The following COL28A1 variants were observed in gnomAD, a reference collection of about 807,000 sequenced individuals.
COL28A1 encodes the protein collagen alpha-1(XXVIII) chain.
In COL28A1, 161 loss-of-function variants were observed where a neutral mutation model predicts 150.2. The ratio of observed to expected loss-of-function variants is 1.07; its 90% CI spans 0.94 to 1.22. The LOEUF (loss-of-function observed/expected upper bound fraction) is 1.22, where lower values mean the gene tolerates loss of function less well. COL28A1 is among the 50% of genes most tolerant of loss of function. The pLI, the probability that COL28A1 is intolerant of heterozygous loss-of-function variation, is 0.00. For synonymous variants in COL28A1, 552 were observed against 469.7 expected, an observed-to-expected ratio of 1.18 and a Z score of -2.26; for missense variants, 1,617 against 1,388.3, an observed-to-expected ratio of 1.16 and a Z score of -2.62.
chr7:7,543,248 T>C, the COL28A1 span, among the ~76,000 whole-genome samples: 1 of 152,216 alleles, frequency 6.6e-6, no homozygotes, highest in Admixed American at 6.5e-5. Context: ...GGTTGGCATT[T>C]TCCTCTTCTT....
At chr7:7,340,660 C>T in the COL28A1 span, among the ~76,000 whole-genome samples, 1 of 151,808 alleles carries the variant, frequency 6.6e-6, no homozygotes, top group Non-Finnish European at 1.5e-5. Context: ...TTTTTTTTCC[C>T]CCTAAGCAAG....
intron 8 of COL28A1, chr7:7,511,533 C>T (rs1314672353): frequency 6.7e-6 from 2 of 296,350 alleles, no homozygotes. Context: ...TTAAACTCAA[C>T]AAGATAATTT....
intron 27 of COL28A1, among the ~76,000 whole-genome samples, chr7:7,384,688 C>T (rs2128290879): frequency 6.6e-6 from 1 of 152,268 alleles, no homozygotes; most frequent in Admixed American, 6.5e-5. Context: ...CGGAACATAT[C>T]TCCTGCAGAT....
intron 21 of COL28A1, among the ~76,000 whole-genome samples, chr7:7,437,760 T>C (rs567499843): frequency 9.1e-4 from 138 of 152,352 alleles, no homozygotes; most frequent in Middle Eastern, 3.4e-3. Flanking sequence ...TGGTGCTTCC[T>C]TTTTGTGTTG....
At chr7:7,539,862 CTTCA>C (rs1440621879), upstream of COL28A1, among the ~76,000 whole-genome samples, 7 of 152,124 alleles carry the variant, frequency 4.6e-5, no homozygotes, top group Non-Finnish European at 1.5e-5. Context: ...AGATCTCTTG[CTTCA>C]TTATTTGTCA....
At chr7:7,504,009 A>C (rs913383016) in intron 11 of COL28A1, among the ~76,000 whole-genome samples, 3 of 152,218 alleles carry the variant, frequency 2.0e-5, no homozygotes, top group African/African-American at 7.2e-5. Flanking sequence ...GAAGTCCTCA[A>C]ATGCTTTTGG....
chr7:7,504,227 T>A (rs150759314), intron 11 of COL28A1, among the ~76,000 whole-genome samples: 68 of 152,292 alleles, frequency 4.5e-4, no homozygotes, highest in African/African-American at 1.6e-3. Flanking sequence ...CCAGGTATGG[T>A]GGCTCACACT....
chr7:7,494,573 T>C (rs1307325899), intron 11 of COL28A1, among the ~76,000 whole-genome samples: 1 of 152,240 alleles, frequency 6.6e-6, no homozygotes, highest in Non-Finnish European at 1.5e-5. Context: ...CTGTTTAATA[T>C]GTATAGATTT....
At chr7:7,422,211 C>T (rs60120688) in intron 25 of COL28A1, among the ~76,000 whole-genome samples, 38,920 of 151,858 alleles carry the variant, frequency 0.26, 7,995 homozygotes, top group African/African-American at 0.57. Context: ...CCAAAATCAT[C>T]GAAAGTTTCA....
At chr7:7,349,694 C>G in the COL28A1 span, among the ~76,000 whole-genome samples, 1 of 152,104 alleles carries the variant, frequency 6.6e-6, no homozygotes, top group Non-Finnish European at 1.5e-5. Flanking sequence ...CACTTTCTTT[C>G]CTGCCTCTCA....
chr7:7,416,378 G>A (rs1439290901), intron 27 of COL28A1, among the ~76,000 whole-genome samples: 5 of 152,154 alleles, frequency 3.3e-5, no homozygotes, highest in South Asian at 4.1e-4. Flanking sequence ...GTGAGAATGA[G>A]GAAGTAGTTC....
intron 27 of COL28A1, among the ~76,000 whole-genome samples, chr7:7,416,899 T>C (rs931849038): frequency 1.3e-5 from 2 of 152,226 alleles, no homozygotes; most frequent in African/African-American, 4.8e-5. Flanking sequence ...TTCTGCTATT[T>C]GAAAAGGAGT....
intron 11 of COL28A1, among the ~76,000 whole-genome samples, chr7:7,492,380 C>T (rs1049771335): frequency 4.6e-5 from 7 of 150,738 alleles, no homozygotes; most frequent in Non-Finnish European, 1.0e-4. Context: ...TCAAGACCAG[C>T]CTGGCCAACA....
chr7:7,343,043 G>T, the COL28A1 span, among the ~76,000 whole-genome samples: 4 of 151,868 alleles, frequency 2.6e-5, no homozygotes, highest in African/African-American at 9.7e-5. Context: ...CTCCTTCACT[G>T]TCCTTTAGTT....
At chr7:7,433,967 G>A (rs1785168216) in intron 23 of COL28A1, among the ~76,000 whole-genome samples, 1 of 152,134 alleles carries the variant, frequency 6.6e-6, no homozygotes, top group Non-Finnish European at 1.5e-5. Context: ...TATTCCAAGT[G>A]AAAATACTGC....
intron 18 of COL28A1, among the ~76,000 whole-genome samples, chr7:7,449,678 AAAAACAAAAC>A (rs899170113): frequency 1.3e-5 from 2 of 152,092 alleles, no homozygotes; most frequent in Non-Finnish European, 2.9e-5. Flanking sequence ...CAACATGCCA[AAAAACAAAAC>A]AAAACAAAAC....
At chr7:7,350,657 T>C in the COL28A1 span, among the ~76,000 whole-genome samples, 1 of 73,402 alleles carries the variant, frequency 1.4e-5, no homozygotes, top group South Asian at 6.0e-4. Flanking sequence ...TTTCTTTCCT[T>C]TTTTTTTTTT....
rs7788816 is a variant in COL28A1, at chr7:7,422,622, C to A, written c.1999-2669G>T. ...CCAGCCTGGGTGACAGAGTGAGACT[C>A]TGTCTCCAAAAAAGAAAAAAAAAAA... On this transcript the variant is annotated intron_variant, in intron 25 of 34. Transcript: ENST00000399429. Among the ~76,000 whole-genome samples, 3 of 151,580 alleles carry A rather than the reference C, an allele frequency of 2.0e-5. No homozygotes were observed. The South Asian group carries it at 6.3e-4, about 32-fold the overall frequency.
chr7:7,528,712 AAG>A (rs999297234), intron 3 of COL28A1, among the ~76,000 whole-genome samples: 18 of 152,190 alleles, frequency 1.2e-4, no homozygotes, highest in South Asian at 2.1e-4. Flanking sequence ...TCACAAAAGT[AAG>A]ATCAGTAGCT....
Sources: allele counts gnomAD v4.1 joint callset (sites outside exome capture counted in the v4.1 genomes callset), GRCh38; gene constraint gnomAD v4.1.1; transcripts MANE v1.5; gene names NCBI Gene and HGNC (gene_info 2026-07-23, HGNC 2026-07-21).